WWP2: variants seen among roughly 807,000 people sequenced by gnomAD.
WWP2 encodes the protein NEDD4-like E3 ubiquitin-protein ligase WWP2.
Under a neutral mutation model 121.0 loss-of-function variants are expected in WWP2, and 57 were observed. The ratio of observed to expected loss-of-function variants is 0.47; its 90% CI spans 0.38 to 0.59. The LOEUF (loss-of-function observed/expected upper bound fraction) is 0.59. WWP2 is among the 20% of genes least tolerant of loss of function. WWP2 has a pLI of 0.00. For missense variants in WWP2, 962 were observed against 1,158.9 expected (o/e 0.83, Z 2.47); for synonymous variants, 449 against 441.3 (o/e 1.02, Z -0.22).
chr16:69,938,620 T>C (rs1158008925), intron 21 of WWP2, among the ~76,000 whole-genome samples: 1 of 152,072 alleles, frequency 6.6e-6, no homozygotes, highest in Non-Finnish European at 1.5e-5. Context: ...CACTCCAGCC[T>C]GGGCGACAGA....
chr16:69,782,415 G>C (rs1433947558), intron 1 of WWP2, among the ~76,000 whole-genome samples: 1 of 152,184 alleles, frequency 6.6e-6, no homozygotes, highest in African/African-American at 2.4e-5. Flanking sequence ...CTCAGGTGGG[G>C]CAGGAGGAGG....
intron 1 of WWP2, among the ~76,000 whole-genome samples, chr16:69,778,961 ATTTT>A (rs869304040): frequency 2.8e-5 from 1 of 35,556 alleles, no homozygotes; most frequent in Non-Finnish European, 5.6e-5. Flanking sequence ...TTATTTATTT[ATTTT>A]TTGAGATGGA....
intron 4 of WWP2, among the ~76,000 whole-genome samples, chr16:69,819,597 G>A (rs1476020193): frequency 1.3e-5 from 2 of 152,028 alleles, no homozygotes; most frequent in Non-Finnish European, 1.5e-5. Flanking sequence ...TTCTAGAGAT[G>A]GGATCTCACT....
chr16:69,871,788 T>A lies in WWP2; in HGVS notation c.576-16T>A. On this transcript the variant is annotated splice_polypyrimidine_tract_variant and intron_variant, in intron 6 of 23. Transcript: ENST00000359154. ...CAGTGACTTATGTCTGTCTGCTTTC[T>A]ACTTTGAACCCCCAGGACGCACAGA... 6.2e-7 allele frequency: 1 copy of A among 1,613,844 alleles called. No individual in the cohort carries two copies. The highest frequency in any genetic ancestry group is 1.1e-5 in the South Asian group (1 of 91,062).
chr16:69,914,175 A>G (rs938948921), intron 9 of WWP2, among the ~76,000 whole-genome samples: 1 of 151,242 alleles, frequency 6.6e-6, no homozygotes, highest in African/African-American at 2.4e-5. Context: ...ATAGTTCTTT[A>G]GCAAGAACTT....
At chr16:69,898,915 G>T (rs2058152673) in intron 8 of WWP2, among the ~76,000 whole-genome samples, 1 of 151,946 alleles carries the variant, frequency 6.6e-6, no homozygotes, top group Non-Finnish European at 1.5e-5. Context: ...TGTTGGTCAG[G>T]CTGGTCTTGA....
chr16:69,930,854 A>G (rs1197859675), intron 13 of WWP2, among the ~76,000 whole-genome samples: 1 of 152,256 alleles, frequency 6.6e-6, no homozygotes, highest in Non-Finnish European at 1.5e-5. Flanking sequence ...CCTGGGTGAC[A>G]GAGCAAGACC....
chr16:69,810,525 T>A (rs2056370758), intron 4 of WWP2, among the ~76,000 whole-genome samples: 1 of 151,596 alleles, frequency 6.6e-6, no homozygotes, highest in Non-Finnish European at 1.5e-5. Flanking sequence ...CCTCCTGGGT[T>A]CACGCCATTC....
Position 69,937,498 on chromosome 16 carries a change from G to A in WWP2, c.2239-50G>A, listed in dbSNP as rs200664584. The A allele has an allele frequency of 3.3e-5, 53 of 1,589,166 alleles. 1 individual carries two copies. The Admixed American group carries it at 6.0e-4, about 18-fold the overall frequency. On this transcript the variant is annotated intron_variant, in intron 20 of 23. Coordinates refer to ENST00000359154, the MANE Select transcript of WWP2 (RefSeq NM_001270454.2). This position sits in a 1 kb window ranked among gnomAD's most constrained non-coding sequence, Gnocchi z 6.6. ...TAATGTCAAGTGCTAGCGAGTGGAC[G>A]ATGCGCGGGGAGGGACCTGCCGGGG... is the stretch of plus-strand genomic sequence containing the variant.
chr16:69,806,249 A>G (rs766531139), intron 4 of WWP2, among the ~76,000 whole-genome samples: 2 of 152,226 alleles, frequency 1.3e-5, no homozygotes, highest in African/African-American at 2.4e-5. Context: ...AATAGTAATT[A>G]TCTTAGAATT....
intron 4 of WWP2, among the ~76,000 whole-genome samples, chr16:69,821,883 T>A (rs962188628): frequency 5.9e-5 from 9 of 151,858 alleles, no homozygotes; most frequent in African/African-American, 1.2e-4. Flanking sequence ...GTTTTTTTTT[T>A]AAATAAGAAA....
intron 10 of WWP2, among the ~76,000 whole-genome samples, chr16:69,919,739 A>G (rs2058530787): frequency 6.7e-6 from 1 of 150,312 alleles, no homozygotes; most frequent in Non-Finnish European, 1.5e-5. Flanking sequence ...CTAACACAGG[A>G]TATGATGGTG....
chr16:69,871,470 G>A (rs1033702465), intron 6 of WWP2, among the ~76,000 whole-genome samples: 1 of 152,110 alleles, frequency 6.6e-6, no homozygotes, highest in Non-Finnish European at 1.5e-5. Context: ...AGTGATTCTT[G>A]TTTATTTGTA....
intron 1 of WWP2, among the ~76,000 whole-genome samples, chr16:69,763,682 T>A (rs1359955771): frequency 6.6e-6 from 1 of 152,208 alleles, no homozygotes; most frequent in Non-Finnish European, 1.5e-5. Flanking sequence ...TTAAAACAAT[T>A]TATTGCTCTT....
chr16:69,817,936 T>C (rs1368561705), intron 4 of WWP2, among the ~76,000 whole-genome samples: 1 of 151,910 alleles, frequency 6.6e-6, no homozygotes, highest in African/African-American at 2.4e-5. Flanking sequence ...TCTTTTTTTT[T>C]CCCTACAGTA....
chr16:69,820,966 A>G (rs12446197), intron 4 of WWP2, among the ~76,000 whole-genome samples: 48,123 of 152,138 alleles, frequency 0.32, 9,344 homozygotes, highest in Non-Finnish European at 0.43. Context: ...TGACAGCAGG[A>G]CCAGTGTGGT....
In WWP2 at chr16:69,787,124, G is replaced by C. The variant is rs767428344; in HGVS notation, c.70+44G>C. 6 of 1,558,386 alleles carry C rather than the reference G, an allele frequency of 3.9e-6. No homozygotes were observed. The East Asian group carries it at 1.4e-4, about 36-fold the overall frequency. ...TGTCTTCATCTTGTCTACGCCCAGG[G>C]AAGAGGGAGAATCTAACCACACCTT... is the stretch of plus-strand genomic sequence containing the variant. On this transcript the variant is annotated intron_variant, in intron 2 of 23. Transcript: ENST00000359154.
chr16:69,888,574 A>G (rs983611909), intron 8 of WWP2, among the ~76,000 whole-genome samples: 2 of 152,174 alleles, frequency 1.3e-5, no homozygotes. Flanking sequence ...GATCCTGCCT[A>G]GAAAACAGCT....
chr16:69,894,460 A>C lies in WWP2; in HGVS notation c.914+6211A>C, dbSNP rs117541985. The stretch of plus-strand genomic sequence containing the variant: ...CACGTCTGCACGTTTTAAGAACTGA[A>C]GGCTGCTGAAACCTGGGCTGAAGAT... On this transcript the variant is annotated intron_variant, in intron 8 of 23. Coordinates refer to ENST00000359154, the MANE Select transcript of WWP2 (RefSeq NM_001270454.2). Among the ~76,000 whole-genome samples, 106 of 152,270 alleles carry C rather than the reference A, an allele frequency of 7.0e-4. 1 individual carries two copies. The East Asian group carries it at 0.017, about 25-fold the overall frequency.
Sources: allele counts gnomAD v4.1 joint callset (sites outside exome capture counted in the v4.1 genomes callset), GRCh38; gene constraint gnomAD v4.1.1; non-coding constraint Gnocchi (gnomAD v3.1); transcripts MANE v1.5; gene names NCBI Gene and HGNC (gene_info 2026-07-23, HGNC 2026-07-21).